CSMD2: variants seen among roughly 807,000 people sequenced by gnomAD.
CSMD2 encodes the protein CUB and sushi domain-containing protein 2.
CSMD2 carries 130 observed loss-of-function variants against 398.5 expected under a neutral mutation model. The ratio of observed to expected loss-of-function variants is 0.33; its 90% CI spans 0.28 to 0.38. The LOEUF is 0.38. Among genes scored for constraint, CSMD2 ranks in the 10% least tolerant of loss-of-function variants. CSMD2 has a pLI of 1.00. For missense variants in CSMD2, 3,829 were observed against 4,764.9 expected (o/e 0.80, Z 5.78); for synonymous variants, 1,828 against 1,908.5 (o/e 0.96, Z 1.10).
chr1:33,530,036 T>C (rs892229051), intron 64 of CSMD2, among the ~76,000 whole-genome samples: 2 of 152,122 alleles, frequency 1.3e-5, no homozygotes, highest in Non-Finnish European at 2.9e-5. Context: ...ATTAAGGAAA[T>C]ATAAATCATT....
chr1:33,628,488 G>A lies in CSMD2; in HGVS notation c.5201-1907C>T, dbSNP rs533727336. Among the ~76,000 whole-genome samples the A allele has an allele frequency of 2.6e-5, 4 of 152,106 alleles. No individual in the cohort carries two copies. The East Asian group carries it at 7.7e-4, about 29-fold the overall frequency. On this transcript the variant is annotated intron_variant, in intron 32 of 70. Coordinates refer to ENST00000373381, the MANE Select transcript of CSMD2 (RefSeq NM_001281956.2). ...GTTTGTGACCAGCCTGACCAACATG[G>A]TGAAAATCCATCTCTACTAAACATA... is the stretch of plus-strand genomic sequence containing the variant.
At chr1:33,944,013 T>A (rs116710166) in intron 3 of CSMD2, among the ~76,000 whole-genome samples, 15 of 151,200 alleles carry the variant, frequency 9.9e-5, no homozygotes, top group Admixed American at 9.9e-4. Flanking sequence ...CAGGGCCAGA[T>A]AGTAAATATT....
chr1:34,046,629 A>C (rs1329314869), intron 2 of CSMD2, among the ~76,000 whole-genome samples: 1 of 152,234 alleles, frequency 6.6e-6, no homozygotes, highest in Non-Finnish European at 1.5e-5. Context: ...TGAGAAACTA[A>C]ATAGATGTTA....
Position 33,669,480 on chromosome 1 carries a change from C to T in CSMD2, c.4053-6388G>A, listed in dbSNP as rs1644420314. ...TTCTCTACAGGATAAAGTCAGACTTCCGAGGGGACACACCAAGTCCCCCCT... is the reference window on the plus strand; with the variant it reads ...TTCTCTACAGGATAAAGTCAGACTTTCGAGGGGACACACCAAGTCCCCCCT... On this transcript the variant is annotated intron_variant, in intron 25 of 70. Transcript: ENST00000373381. Among the ~76,000 whole-genome samples the T allele has an allele frequency of 2.0e-5, 3 of 152,220 alleles. No homozygotes were observed. In the South Asian group the frequency reaches 6.2e-4, roughly 32 times the overall value.
intron 25 of CSMD2, among the ~76,000 whole-genome samples, chr1:33,677,158 T>G (rs1164199622): frequency 6.6e-6 from 1 of 151,994 alleles, no homozygotes; most frequent in Non-Finnish European, 1.5e-5. Flanking sequence ...GAAACGAACA[T>G]CAGAGTGAAC....
At chr1:34,109,856 A>C (rs890073415) in intron 1 of CSMD2, among the ~76,000 whole-genome samples, 4 of 151,656 alleles carry the variant, frequency 2.6e-5, no homozygotes, top group African/African-American at 9.7e-5. Flanking sequence ...TGGCCAACAT[A>C]GTGAAACCCC....
chr1:33,597,706 A>G (rs1286556550), intron 44 of CSMD2, among the ~76,000 whole-genome samples: 1 of 152,256 alleles, frequency 6.6e-6, no homozygotes, highest in African/African-American at 2.4e-5. Context: ...TACCTAGTGA[A>G]ACTAAATATG....
intron 3 of CSMD2, among the ~76,000 whole-genome samples, chr1:33,998,828 G>A (rs80121831): frequency 0.017 from 2,541 of 152,318 alleles, 29 homozygotes; most frequent in Middle Eastern, 0.027. Context: ...CTGTATGACT[G>A]CATAGGTCAG....
At chr1:33,930,357 C>G (rs1644271595) in intron 4 of CSMD2, among the ~76,000 whole-genome samples, 1 of 152,182 alleles carries the variant, frequency 6.6e-6, no homozygotes, top group Non-Finnish European at 1.5e-5. Flanking sequence ...CAGTCTGACT[C>G]TATGCACTGT....
At chr1:33,527,076 A>T in intron 65 of CSMD2, 120 bp downstream of exon 65, 1 of 900,106 alleles carries the variant, frequency 1.1e-6, no homozygotes, top group East Asian at 2.4e-5. Context: ...CCAGATTTAT[A>T]GATAGTTTTC....
At chr1:34,009,061 A>C (rs551962732) in intron 3 of CSMD2, among the ~76,000 whole-genome samples, 2 of 151,950 alleles carry the variant, frequency 1.3e-5, no homozygotes, top group African/African-American at 4.8e-5. Context: ...AAACTCACCC[A>C]TCCTTAACCA....
chr1:33,751,904 C>T (rs548171461), intron 13 of CSMD2, among the ~76,000 whole-genome samples: 1 of 152,240 alleles, frequency 6.6e-6, no homozygotes, highest in South Asian at 2.1e-4. Context: ...GGATTACAGG[C>T]ATGAGCCACT....
In CSMD2 at chr1:33,845,933, C is replaced by G. The variant is rs539483856; in HGVS notation, c.1033+951G>C. ...TGGCCTTGGAGCCCAGGGCTTCACA[C>G]AGGTCCTTATACTTAATAGGTACAC... On this transcript the variant is annotated intron_variant, in intron 6 of 70. Coordinates refer to ENST00000373381, the MANE Select transcript of CSMD2 (RefSeq NM_001281956.2). 5.3e-5 allele frequency among the ~76,000 whole-genome samples: 8 copies of G among 152,352 alleles called. No individual in the cohort carries two copies. In the South Asian group the frequency reaches 1.7e-3, roughly 32 times the overall value.
intron 24 of CSMD2, among the ~76,000 whole-genome samples, chr1:33,696,528 C>T (rs1645424767): frequency 6.6e-6 from 1 of 152,110 alleles, no homozygotes; most frequent in Non-Finnish European, 1.5e-5. Flanking sequence ...AGAGGATGGA[C>T]TACAATTGTG....
chr1:33,545,794 G>GT (rs1347807725), intron 57 of CSMD2, among the ~76,000 whole-genome samples: 2 of 152,242 alleles, frequency 1.3e-5, no homozygotes, highest in Non-Finnish European at 2.9e-5. Context: ...GAATGAAATA[G>GT]TGGGTCAAAT....
chr1:34,045,038 TACACACACACAC>T (rs10588687), intron 2 of CSMD2, among the ~76,000 whole-genome samples: 134 of 142,474 alleles, frequency 9.4e-4, no homozygotes, highest in Middle Eastern at 7.4e-3. Context: ...TCACACACCA[TACACACACACAC>T]ACACACACAC....
At chr1:34,118,950 T>G (rs1065963) in intron 1 of CSMD2, among the ~76,000 whole-genome samples, 7 of 152,086 alleles carry the variant, frequency 4.6e-5, no homozygotes, top group Admixed American at 2.0e-4. Flanking sequence ...TATGGAATCT[T>G]AAAGGACCCC....
At position 33,652,294 on chromosome 1, in the gene CSMD2, C is replaced by T. The variant is rs374261546; in HGVS notation, c.4586+29G>A. On this transcript the variant is annotated intron_variant, in intron 28 of 70. Coordinates refer to ENST00000373381, the MANE Select transcript of CSMD2 (RefSeq NM_001281956.2). ...GAGCCCCTAGCCACTCTGAACCCTT[C>T]GTCTCCCACCCGGGGGAAAGGTACA... The T allele has an allele frequency of 1.4e-5, 23 of 1,611,688 alleles. No homozygotes were observed. In the African/African-American group the frequency reaches 2.3e-4, roughly 16 times the overall value.
intron 12 of CSMD2, among the ~76,000 whole-genome samples, chr1:33,775,343 G>A (rs570068683): frequency 2.0e-5 from 3 of 152,158 alleles, no homozygotes; most frequent in South Asian, 2.1e-4. Flanking sequence ...GTTTTAACAC[G>A]GATATTTTGC....
Sources: allele counts gnomAD v4.1 joint callset (sites outside exome capture counted in the v4.1 genomes callset), GRCh38; gene constraint gnomAD v4.1.1; transcripts MANE v1.5; gene names NCBI Gene and HGNC (gene_info 2026-07-23, HGNC 2026-07-21).